Variants in RNF4 observed in about 807,000 individuals in gnomAD.
The protein encoded by RNF4 is E3 ubiquitin-protein ligase RNF4.
In RNF4, 7 loss-of-function variants were observed where a neutral mutation model predicts 24.3. The observed-to-expected ratio is 0.29, with a 90% CI of 0.16 to 0.54. RNF4 has a LOEUF of 0.54. Ranked by LOEUF, RNF4 falls within the 20% of genes least tolerant of loss-of-function variation. The pLI is 0.95. For missense variants in RNF4, 209 were observed against 248.5 expected, an observed-to-expected ratio of 0.84 and a Z score of 1.07; for synonymous variants, 83 against 84.3, an observed-to-expected ratio of 0.98 and a Z score of 0.09.
intron 1 of RNF4, among the ~76,000 whole-genome samples, chr4:2,484,107 G>A (rs1406346156): frequency 4.3e-5 from 4 of 92,464 alleles, no homozygotes; most frequent in African/African-American, 1.6e-4. Context: ...GGGATTACAG[G>A]TGTGAGCCAC....
intron 2 of RNF4, among the ~76,000 whole-genome samples, chr4:2,495,641 G>T (rs945209376): frequency 5.3e-4 from 78 of 148,362 alleles, no homozygotes; most frequent in African/African-American, 1.4e-3. Context: ...TTTTTTTTTG[G>T]GGGGGGGTGA....
At chr4:2,492,379 G>A (rs2108763006) in intron 2 of RNF4, among the ~76,000 whole-genome samples, 1 of 152,210 alleles carries the variant, frequency 6.6e-6, no homozygotes, top group South Asian at 2.1e-4. Context: ...GTGTAATTCA[G>A]GTGTCTCCTG....
At chr4:2,511,268 G>A (rs1045607836) in intron 4 of RNF4, among the ~76,000 whole-genome samples, 3 of 142,128 alleles carry the variant, frequency 2.1e-5, no homozygotes, top group Non-Finnish European at 3.1e-5. Context: ...GCAGCCCCCA[G>A]ATAGTAAGGA....
intron 2 of RNF4, 78 bp downstream of exon 2, chr4:2,490,580 A>G (rs1735550200): frequency 1.4e-6 from 2 of 1,458,418 alleles, no homozygotes; most frequent in South Asian, 2.4e-5. Context: ...CATTAGTGAA[A>G]GTGAGTTCCA....
At chr4:2,496,944 G>T (rs1046345004) in intron 2 of RNF4, 63 bp from the exon 3 acceptor site, 1 of 1,258,502 alleles carries the variant, frequency 7.9e-7, no homozygotes. Context: ...TGCCCATTTA[G>T]TTCTTCCTGA....
At chr4:2,502,234 A>G (rs965188629) in intron 4 of RNF4, among the ~76,000 whole-genome samples, 1 of 152,040 alleles carries the variant, frequency 6.6e-6, no homozygotes. Context: ...TTTCTTGAAT[A>G]CTCAGTGTTC....
At chr4:2,485,260 A>T (rs1016908590) in intron 1 of RNF4, among the ~76,000 whole-genome samples, 12 of 152,082 alleles carry the variant, frequency 7.9e-5, no homozygotes, top group Non-Finnish European at 1.6e-4. Context: ...TCAGTTCCCC[A>T]GCCTGTGCAT....
intron 3 of RNF4, among the ~76,000 whole-genome samples, chr4:2,498,443 C>T (rs1451685630): frequency 6.6e-6 from 1 of 152,094 alleles, no homozygotes; most frequent in Non-Finnish European, 1.5e-5. Context: ...CTGCCTTGGC[C>T]TCCCAAAGTG....
chr4:2,513,045 G>A (rs750049464), intron 6 of RNF4, 38 bp from the exon 7 acceptor site: 44 of 1,603,868 alleles, frequency 2.7e-5, no homozygotes, highest in South Asian at 8.8e-5. Flanking sequence ...AAATGTTTGC[G>A]TTGACTGAGA....
intron 4 of RNF4, among the ~76,000 whole-genome samples, chr4:2,501,957 A>G (rs1487225007): frequency 1.3e-5 from 2 of 152,244 alleles, no homozygotes; most frequent in African/African-American, 2.4e-5. Flanking sequence ...GATAAGCAGC[A>G]GTGGGTTTAG....
chr4:2,488,040 C>T (rs1341810351), intron 1 of RNF4, among the ~76,000 whole-genome samples: 1 of 152,202 alleles, frequency 6.6e-6, no homozygotes, highest in Non-Finnish European at 1.5e-5. Context: ...GTTATAGCTG[C>T]CTGCCAGCAC....
intron 1 of RNF4, among the ~76,000 whole-genome samples, chr4:2,475,814 C>T (rs184738071): frequency 5.9e-5 from 9 of 152,260 alleles, no homozygotes; most frequent in Non-Finnish European, 1.0e-4. Context: ...TTTTACTCTT[C>T]CTGAGGCACT....
rs540623610 is a variant in RNF4, at chr4:2,496,131, G to A, written c.10-876G>A. Among the ~76,000 whole-genome samples, 3 of 152,320 alleles carry A rather than the reference G, an allele frequency of 2.0e-5. No individual in the cohort carries two copies. In the South Asian group the frequency reaches 6.2e-4, roughly 32 times the overall value. Reference sequence around the variant, plus strand: ...GCTCTTGGGTAGCCACTGGGAACAGGCTTAAAACAGCTTTGGTTCTTTGAG... The same window carrying A: ...GCTCTTGGGTAGCCACTGGGAACAGACTTAAAACAGCTTTGGTTCTTTGAG... On this transcript the variant is annotated intron_variant, in intron 2 of 7. Transcript: ENST00000314289.
At chr4:2,492,665 TG>T (rs1735616418) in intron 2 of RNF4, among the ~76,000 whole-genome samples, 1 of 152,180 alleles carries the variant, frequency 6.6e-6, no homozygotes, top group African/African-American at 2.4e-5. Flanking sequence ...ATGGAAATGC[TG>T]GTCACACCCT....
intron 1 of RNF4, among the ~76,000 whole-genome samples, chr4:2,470,269 C>CT (rs1315188046): frequency 1.3e-5 from 2 of 152,184 alleles, no homozygotes; most frequent in African/African-American, 4.8e-5. Context: ...AGGTTAAGTC[C>CT]TACCTGCAAG....
intron 3 of RNF4, among the ~76,000 whole-genome samples, chr4:2,500,262 C>T (rs764142635): frequency 2.6e-5 from 4 of 152,092 alleles, no homozygotes; most frequent in African/African-American, 9.7e-5. Context: ...TCAGCTTCAC[C>T]TGCTGGGAGG....
chr4:2,479,316 C>T (rs1388604192), intron 1 of RNF4, among the ~76,000 whole-genome samples: 3 of 152,092 alleles, frequency 2.0e-5, no homozygotes, highest in Non-Finnish European at 2.9e-5. Context: ...TGAGTTAAGA[C>T]TTTGGGACTG....
intron 1 of RNF4, among the ~76,000 whole-genome samples, chr4:2,478,764 G>C (rs1327203371): frequency 1.3e-5 from 2 of 152,250 alleles, no homozygotes; most frequent in Non-Finnish European, 2.9e-5. Context: ...GACACTCATG[G>C]AGAACCTCCG....
intron 3 of RNF4, among the ~76,000 whole-genome samples, chr4:2,498,629 T>C (rs1735809078): frequency 6.6e-6 from 1 of 152,208 alleles, no homozygotes; most frequent in Non-Finnish European, 1.5e-5. Context: ...AATTATATTG[T>C]ATATGTAAGA....
Sources: allele counts gnomAD v4.1 joint callset (sites outside exome capture counted in the v4.1 genomes callset), GRCh38; gene constraint gnomAD v4.1.1; transcripts MANE v1.5; gene names NCBI Gene and HGNC (gene_info 2026-07-23, HGNC 2026-07-21).